Variants in FAM117A observed in about 807,000 individuals in gnomAD.
FAM117A encodes the protein protein FAM117A.
Under a neutral mutation model 44.1 loss-of-function variants are expected in FAM117A, and 21 were observed. That is an observed-to-expected ratio of 0.48 (90% CI 0.34 to 0.69). FAM117A has a LOEUF of 0.69. FAM117A is among the 30% of genes least tolerant of loss of function. FAM117A has a pLI of 0.01. For missense variants in FAM117A, 498 were observed against 589.9 expected (o/e 0.84, Z 1.61); for synonymous variants, 220 against 238.3 (o/e 0.92, Z 0.71).
chr17:49,717,556 A>G lies in FAM117A; in HGVS notation c.867T>C (p.His289=). The change falls in exon 6 of 8, where the codon CAT becomes CAC. Residue 289 remains histidine, a synonymous_variant. Transcript: ENST00000240364. ...QPCGLASHEE[H]RGAAEELAST... ...ATGCCAGCTCCTCGGCGGCACCCCG[A>G]TGTTCCTCATGACTGGCCAGGCCAC... The G allele has an allele frequency of 6.2e-7, 1 of 1,614,118 alleles. No individual in the cohort carries two copies. The highest frequency in any genetic ancestry group is 8.5e-7 in the Non-Finnish European group (1 of 1,179,994).
At position 49,720,396 on chromosome 17, in the gene FAM117A, C is replaced by G. The variant is rs75086164; in HGVS notation, c.503G>C (p.Ser168Thr). ...TCGCTCCTTCTCTTTCCCACTGCGGCTCAGCTTCGTCCTCTGCAGTTGTTG... is the reference window on the plus strand; with the variant it reads ...TCGCTCCTTCTCTTTCCCACTGCGGGTCAGCTTCGTCCTCTGCAGTTGTTG... ...LKQQLQRTKL[S>T]RSGKEKERGS... Residue 168 changes from serine (S) to threonine (T), a missense_variant, in exon 4 of 8, where the codon AGC (serine) becomes ACC (threonine). Ser to Thr is a moderately conservative substitution (Grantham distance 58). Coordinates refer to ENST00000240364, the MANE Select transcript of FAM117A (RefSeq NM_030802.4). 9 of 1,613,686 alleles carry G rather than the reference C, an allele frequency of 5.6e-6. No homozygotes were observed. The highest frequency in any genetic ancestry group is 7.6e-6 in the Non-Finnish European group (9 of 1,180,034).
At chr17:49,726,729 C>A (rs1488999024) in intron 2 of FAM117A, among the ~76,000 whole-genome samples, 1 of 152,130 alleles carries the variant, frequency 6.6e-6, no homozygotes, top group Non-Finnish European at 1.5e-5. Flanking sequence ...GTAATCCCAG[C>A]ACCTTGGGAA....
upstream of FAM117A, chr17:49,765,427 A>G (rs972347237): frequency 2.0e-5 from 3 of 152,244 alleles, no homozygotes; most frequent in Non-Finnish European, 4.4e-5. Context: ...AGAGAAAAAG[A>G]GGTAATCTGG....
chr17:49,712,961 C>A (rs2073485409), intron 7 of FAM117A, among the ~76,000 whole-genome samples: 1 of 152,216 alleles, frequency 6.6e-6, no homozygotes, highest in African/African-American at 2.4e-5. Flanking sequence ...ACTGCAGCCT[C>A]AAACTCCTAG....
At position 49,717,695 on chromosome 17, in the gene FAM117A, C is replaced by T. The variant is rs1192713381; in HGVS notation, c.728G>A (p.Gly243Glu). ...CTGGGGAGGAGCTGGGGCCCGGTGC[C>T]CATCAGGGATATCAAGGATCTAACG... ...ELLRILDIPD[G>E]HRAPAPPQSG... The change falls in exon 6 of 8, where the codon GGG (glycine) becomes GAG (glutamate). Residue 243 changes from glycine (G) to glutamate (E), a missense_variant. Physicochemically the swap from Gly to Glu is moderately conservative, Grantham distance 98 (BLOSUM62 -2). Transcript: ENST00000240364. 1 of 1,609,274 alleles carries T rather than the reference C, an allele frequency of 6.2e-7. No homozygotes were observed. Among genetic ancestry groups the T allele is most frequent in the East Asian group, 2.2e-5 (1 of 44,824 alleles).
intron 1 of FAM117A, among the ~76,000 whole-genome samples, chr17:49,780,625 C>T (rs747982687): frequency 6.6e-5 from 10 of 152,156 alleles, no homozygotes; most frequent in Non-Finnish European, 1.5e-4. Flanking sequence ...CTGTCTCAGC[C>T]TCCGAAAAGT....
At chr17:49,744,541 A>C (rs2143758350) in intron 1 of FAM117A, among the ~76,000 whole-genome samples, 1 of 151,654 alleles carries the variant, frequency 6.6e-6, no homozygotes, top group South Asian at 2.1e-4. Flanking sequence ...GCTGGTCTTG[A>C]ACTCCTGGGC....
chr17:49,782,460 C>A (rs562002456), intron 1 of FAM117A, among the ~76,000 whole-genome samples: 1 of 147,862 alleles, frequency 6.8e-6, no homozygotes, highest in Non-Finnish European at 1.5e-5. Context: ...GAGGCCAAAG[C>A]GGGTAGATCA....
intron 1 of FAM117A, among the ~76,000 whole-genome samples, chr17:49,752,844 C>G (rs1426318272): frequency 6.6e-6 from 1 of 151,692 alleles, no homozygotes; most frequent in Non-Finnish European, 1.5e-5. Flanking sequence ...AAACGGACTT[C>G]TTTGCAGCCC....
Position 49,742,281 on chromosome 17 carries a change from C to T in FAM117A, c.197-9561G>A, listed in dbSNP as rs145312295. On this transcript the variant is annotated intron_variant, in intron 1 of 7. Coordinates refer to ENST00000240364, the MANE Select transcript of FAM117A (RefSeq NM_030802.4). ...GTGTCCGACTTCCCAAGATGCAGAC[C>T]ATATCTGTAGGCAGCTGGAGAGACA... 1.3e-3 allele frequency among the ~76,000 whole-genome samples: 201 copies of T among 152,194 alleles called. 2 individuals are homozygous for T. The highest frequency in any genetic ancestry group is 2.4e-3 in the Non-Finnish European group (166 of 68,010).
chr17:49,740,274 G>GTC (rs1279284313), intron 1 of FAM117A, among the ~76,000 whole-genome samples: 1 of 150,948 alleles, frequency 6.6e-6, no homozygotes, highest in Non-Finnish European at 1.5e-5. Flanking sequence ...TTGAGAGGGA[G>GTC]TCTCACTCTG....
intron 5 of FAM117A, 21 bp downstream of exon 5, chr17:49,719,738 TC>T: frequency 6.5e-7 from 1 of 1,542,318 alleles, no homozygotes; most frequent in Non-Finnish European, 8.7e-7. Flanking sequence ...GTGGGTGCAC[TC>T]AGGGTGCAGC....
intron 1 of FAM117A, among the ~76,000 whole-genome samples, chr17:49,734,670 CAT>C (rs2073602630): frequency 6.6e-6 from 1 of 152,000 alleles, no homozygotes; most frequent in African/African-American, 2.4e-5. Flanking sequence ...AAAAGTGAAA[CAT>C]AGAATTACCA....
intron 1 of FAM117A, among the ~76,000 whole-genome samples, chr17:49,734,383 G>T (rs1391372352): frequency 6.6e-6 from 1 of 151,688 alleles, no homozygotes; most frequent in African/African-American, 2.4e-5. Context: ...ACGAGGTCGG[G>T]AGATCGAGAC....
At chr17:49,778,631 A>C (rs1483535969) in intron 1 of FAM117A, among the ~76,000 whole-genome samples, 1 of 152,230 alleles carries the variant, frequency 6.6e-6, no homozygotes, top group Non-Finnish European at 1.5e-5. Flanking sequence ...AAATGTGTGT[A>C]CAAGAGTAAC....
rs1316831934 is a variant in FAM117A at position 49,749,615 on chromosome 17, G to A, written c.196+14277C>T. Among the ~76,000 whole-genome samples, 10 of 146,476 alleles carry A rather than the reference G, an allele frequency of 6.8e-5. 1 individual carries two copies. Among genetic ancestry groups the A allele is most frequent in the Admixed American group, 2.7e-4 (4 of 14,658 alleles). On this transcript the variant is annotated intron_variant, in intron 1 of 7. Transcript: ENST00000240364. ...AAAAAAAAAATGGAGATTGTTGAGGGCAGAACACAGTGAGAGTGTTTCTTA... is the reference window on the plus strand; with the variant it reads ...AAAAAAAAAATGGAGATTGTTGAGGACAGAACACAGTGAGAGTGTTTCTTA...
rs146556060 is a variant in FAM117A, at chr17:49,770,036, C to A, written c.-621+18461G>T. 6.6e-3 allele frequency among the ~76,000 whole-genome samples: 1,003 copies of A among 152,112 alleles called. 5 individuals are homozygous for A. Among genetic ancestry groups the A allele is most frequent in the African/African-American group, 0.023 (958 of 41,508 alleles). ...CCTGTAATCCCACTACTTTGGGAGG[C>A]CAAGGTGGGCAGATCACGAGGTCAG... On this transcript the variant is annotated intron_variant, in intron 1 of 7. Transcript: ENST00000513602.
intron 7 of FAM117A, among the ~76,000 whole-genome samples, chr17:49,714,424 A>AC (rs1386869836): frequency 2.8e-5 from 4 of 145,440 alleles, no homozygotes; most frequent in African/African-American, 1.0e-4. Context: ...TGCAATCTCC[A>AC]CCTCCTGGGT....
At chr17:49,727,955 C>T (rs1310302630) in intron 2 of FAM117A, among the ~76,000 whole-genome samples, 1 of 152,228 alleles carries the variant, frequency 6.6e-6, no homozygotes, top group Non-Finnish European at 1.5e-5. Flanking sequence ...TGAAATTCTG[C>T]AGGGAATCAG....
Sources: gnomAD v4.1 joint callset for allele counts (sites outside exome capture counted in the v4.1 genomes callset) on GRCh38, gnomAD v4.1.1 for gene constraint, MANE v1.5 for transcripts, NCBI Gene and HGNC (gene_info 2026-07-23, HGNC 2026-07-21) for gene names.